Variants in SMG1 observed in about 807,000 individuals in gnomAD.
SMG1 encodes serine/threonine-protein kinase SMG1.
In SMG1, 22 loss-of-function variants were observed where a neutral mutation model predicts 419.9. The ratio of observed to expected loss-of-function variants is 0.05; its 90% confidence interval spans 0.04 to 0.07. The LOEUF (loss-of-function observed/expected upper bound fraction) is 0.07, where lower values mean the gene tolerates loss of function less well. Ranked by LOEUF, SMG1 falls within the 10% of genes least tolerant of loss-of-function variation. The pLI, the probability that SMG1 is intolerant of heterozygous loss-of-function variation, is 1.00. For missense variants in SMG1, 3,185 were observed against 4,342.0 expected (o/e 0.73, Z 7.49); for synonymous variants, 1,538 against 1,553.5 (o/e 0.99, Z 0.23).
At chr16:18,848,854 C>T (rs929832348) in intron 36 of SMG1, among the ~76,000 whole-genome samples, 2 of 151,594 alleles carry the variant, frequency 1.3e-5, no homozygotes, top group South Asian at 2.1e-4. Flanking sequence ...AAGTGGATCA[C>T]GAGGTCAGGA....
chr16:18,847,001 C>A (rs544491942), intron 38 of SMG1, among the ~76,000 whole-genome samples: 26 of 152,204 alleles, frequency 1.7e-4, no homozygotes, highest in Admixed American at 1.4e-3. Flanking sequence ...ACCCAGCTGT[C>A]CATAAACGGA....
At chr16:18,887,533 T>TTTTTTTTTTTTTTTA (rs1567427842) in intron 6 of SMG1, among the ~76,000 whole-genome samples, 10 of 141,902 alleles carry the variant, frequency 7.0e-5, no homozygotes, top group East Asian at 2.0e-4. Context: ...TTTTTTTTTT[T>TTTTTTTTTTTTTTTA]AATAGAAACA....
At chr16:18,875,947 T>C (rs2036108011) in intron 13 of SMG1, 177 bp downstream of exon 13, 7 of 653,600 alleles carry the variant, frequency 1.1e-5, no homozygotes, top group South Asian at 2.2e-5. Context: ...AAAAGTTAAA[T>C]ATAATGCCAA....
intron 1 of SMG1, chr16:18,900,135 G>A (rs1287220089): frequency 3.0e-6 from 2 of 670,764 alleles, no homozygotes; most frequent in Admixed American, 2.3e-5. Flanking sequence ...TGAGTTAGGT[G>A]CCTTTAGTTG....
In SMG1 at chr16:18,838,231, A is replaced by G. The variant is rs766014782; in HGVS notation, c.7196T>C (p.Val2399Ala). 6.2e-7 allele frequency: 1 copy of G among 1,610,060 alleles called. No homozygotes were observed. The highest frequency in any genetic ancestry group is 1.1e-5 in the South Asian group (1 of 90,708). ...EGVFRLSCEQ[V>A]LHIMRRGRET... ...TCTGCCACGCCGCATAATGTGTAAA[A>G]CCTGTTTTCAGGAGAGTTTTTAAAA... is the stretch of plus-strand genomic sequence containing the variant. The change falls in exon 45 of 63, where the codon GTT becomes GCT. Residue 2399 changes from valine (V) to alanine (A), a missense_variant and splice_region_variant. By Grantham distance (64) the Val-to-Ala change is moderately conservative (BLOSUM62 0). This residue lies in a region of SMG1 where 60 missense variants were observed against 133.9 expected (regional missense o/e 0.45). Coordinates refer to ENST00000446231, the MANE Select transcript of SMG1 (RefSeq NM_015092.5).
At position 18,882,271 on chromosome 16, in the gene SMG1, G is replaced by A; in HGVS notation, c.1187C>T (p.Pro396Leu). Residue 396 changes from proline to leucine, a missense_variant, in exon 10 of 63, where the codon CCA becomes CTA. Around this residue, in one of 27 missense-constraint regions of SMG1, gnomAD observed 52 missense variants for 69.0 expected, o/e 0.75. Coordinates refer to ENST00000446231, the MANE Select transcript of SMG1 (RefSeq NM_015092.5). Reference sequence around the variant, plus strand: ...TACCCGGAGAAGTGCAGCCAGCTTTGGTAATGACACTGATGGAGGAGGGAC... The same window carrying A: ...TACCCGGAGAAGTGCAGCCAGCTTTAGTAATGACACTGATGGAGGAGGGAC... ...EDVPPPSVSLPKLAALLRVFS... is the reference protein window; with the variant it reads ...EDVPPPSVSLLKLAALLRVFS... The A allele has an allele frequency of 6.2e-7, 1 of 1,610,332 alleles. No homozygotes were observed. Among genetic ancestry groups the A allele is most frequent in the Non-Finnish European group, 8.5e-7 (1 of 1,179,058 alleles).
chr16:18,819,859 G>A (rs2032357588), intron 55 of SMG1, among the ~76,000 whole-genome samples: 1 of 152,212 alleles, frequency 6.6e-6, no homozygotes, highest in African/African-American at 2.4e-5. Context: ...GGAGAGAGAG[G>A]CAAGAACTGG....
chr16:18,856,450 C>T lies in SMG1; in HGVS notation c.4235-1546G>A, dbSNP rs186439984. On this transcript the variant is annotated intron_variant, in intron 29 of 62. Transcript: ENST00000446231. ...CTCCCTGGTTCATGCCATTCTCCTG[C>T]CTCAGCCTCCCAAGTAGCTGGGACT... The T allele has an allele frequency of 5.3e-3, 803 of 151,928 alleles. 1 individual carries two copies. Among genetic ancestry groups the T allele is most frequent in the Non-Finnish European group, 8.0e-3 (545 of 68,312 alleles). The allele number at this position is 151,928 out of a possible 1,614,324, so 9.4% of individuals were successfully genotyped here.
Position 18,860,723 on chromosome 16 carries a change from T to A in SMG1, c.3749A>T (p.Glu1250Val), listed in dbSNP as rs1190176486. 6.4e-7 allele frequency: 1 copy of A among 1,559,612 alleles called. No homozygotes were observed. The highest frequency in any genetic ancestry group is 8.7e-7 in the Non-Finnish European group (1 of 1,150,264). The change falls in exon 26 of 63, where the codon GAA (glutamate) becomes GTA (valine). Residue 1250 changes from glutamate (E) to valine (V), a missense_variant. Coordinates refer to ENST00000446231, the MANE Select transcript of SMG1 (RefSeq NM_015092.5). ...ATTGATATTTTCTCCTGGTAACAAT[T>A]CTAACTGCTCGGTACATTCAACAAA... ...GKFVECTEQL[E>V]LLPGENINLL...
At chr16:18,909,670 A>G (rs145304403) in intron 1 of SMG1, among the ~76,000 whole-genome samples, 1 of 152,376 alleles carries the variant, frequency 6.6e-6, no homozygotes, top group African/African-American at 2.4e-5. Context: ...AAATACTGAA[A>G]AAGGAAGATG....
chr16:18,832,546 A>G (rs2033262645), intron 51 of SMG1, among the ~76,000 whole-genome samples: 1 of 151,568 alleles, frequency 6.6e-6, no homozygotes, highest in Admixed American at 6.6e-5. Flanking sequence ...AAGCACTAAA[A>G]GGATATATGT....
At chr16:18,887,097 G>T (rs2036641687) in intron 6 of SMG1, among the ~76,000 whole-genome samples, 2 of 152,084 alleles carry the variant, frequency 1.3e-5, no homozygotes, top group Non-Finnish European at 2.9e-5. Context: ...AAATAAAACT[G>T]TGGCAAAATA....
intron 5 of SMG1, among the ~76,000 whole-genome samples, chr16:18,890,557 G>A (rs2036830069): frequency 3.9e-5 from 6 of 152,214 alleles, no homozygotes; most frequent in Admixed American, 1.3e-4. Flanking sequence ...GGCTGAGGCA[G>A]GAGAATCACT....
At chr16:18,870,444 G>C (rs1378329359) in intron 18 of SMG1, among the ~76,000 whole-genome samples, 166 bp downstream of exon 18, 1 of 152,176 alleles carries the variant, frequency 6.6e-6, no homozygotes, top group African/African-American at 2.4e-5. Flanking sequence ...TTTTCTTGCA[G>C]ACCTGCAAAA....
intron 33 of SMG1, among the ~76,000 whole-genome samples, chr16:18,851,024 G>A (rs1468563052): frequency 6.6e-6 from 1 of 152,098 alleles, no homozygotes; most frequent in South Asian, 2.1e-4. Context: ...CAAAGTGCTG[G>A]AATTACAGGT....
At chr16:18,909,505 T>G (rs1427081393) in intron 1 of SMG1, among the ~76,000 whole-genome samples, 1 of 152,102 alleles carries the variant, frequency 6.6e-6, no homozygotes, top group Admixed American at 6.6e-5. Context: ...ACAGTGAGAC[T>G]GTGTCTCTAA....
intron 26 of SMG1, among the ~76,000 whole-genome samples, chr16:18,860,019 C>T (rs1260801615): frequency 6.6e-6 from 1 of 152,144 alleles, no homozygotes; most frequent in Non-Finnish European, 1.5e-5. Flanking sequence ...GAGTTCAAGA[C>T]CAGCCTGGCC....
rs1400364115 is a variant in SMG1 at position 18,853,733 on chromosome 16, A to C, written c.4618T>G (p.Ser1540Ala). The change falls in exon 31 of 63, where the codon TCA becomes GCA. Residue 1540 changes from serine (S) to alanine (A), a missense_variant. By Grantham distance (99) the Ser-to-Ala change is moderately conservative. Around this residue, in one of 27 missense-constraint regions of SMG1, gnomAD observed 493 missense variants for 552.9 expected, o/e 0.89. Coordinates refer to ENST00000446231, the MANE Select transcript of SMG1 (RefSeq NM_015092.5). ...KWIQAEWKEI[S>A]GQLKQVYRAQ... ...CTGTAAACCTGTTTCAGCTGTCCTG[A>C]AATCTCTTTCCATTCTGCCTGGATC... 1 of 1,613,952 alleles carries C rather than the reference A, an allele frequency of 6.2e-7. No homozygotes were observed. The highest frequency in any genetic ancestry group is 1.1e-5 in the South Asian group (1 of 91,058).
At chr16:18,920,343 T>C (rs536934392) in intron 1 of SMG1, among the ~76,000 whole-genome samples, 31 of 145,056 alleles carry the variant, frequency 2.1e-4, no homozygotes, top group Admixed American at 3.5e-4. Flanking sequence ...GATTGCACCA[T>C]TGCACTCCAG....
Sources: allele counts gnomAD v4.1 joint callset (sites outside exome capture counted in the v4.1 genomes callset), GRCh38; gene constraint gnomAD v4.1.1; regional missense constraint gnomAD v4.1.1; transcripts MANE v1.5; gene names NCBI Gene and HGNC (gene_info 2026-07-23, HGNC 2026-07-21).